OR2L13: variants seen among roughly 807,000 people sequenced by gnomAD.
OR2L13 encodes the protein olfactory receptor family 2 subfamily L member 13, also known as olfactory receptor 2L13.
Under a neutral mutation model 15.3 loss-of-function variants are expected in OR2L13, and 14 were observed. The ratio of observed to expected loss-of-function variants is 0.91; its 90% confidence interval spans 0.60 to 1.43. The LOEUF is 1.43. OR2L13 is among the 40% of genes most tolerant of loss of function. The pLI is 0.00. For synonymous variants in OR2L13, 152 were observed against 142.9 expected, an observed-to-expected ratio of 1.06 and a Z score of -0.45; for missense variants, 367 against 387.9, an observed-to-expected ratio of 0.95 and a Z score of 0.45.
the OR2L13 span, among the ~76,000 whole-genome samples, chr1:248,033,188 C>T: frequency 6.6e-6 from 1 of 152,140 alleles, no homozygotes; most frequent in East Asian, 1.9e-4. Context: ...CATTTTGCCA[C>T]TGACTATACT....
chr1:247,974,292 A>T, the OR2L13 span, among the ~76,000 whole-genome samples: 1 of 152,144 alleles, frequency 6.6e-6, no homozygotes, highest in Non-Finnish European at 1.5e-5. Context: ...GAGGAGGGAT[A>T]GCATTAGGAC....
At chr1:248,077,055 C>T in the OR2L13 span, among the ~76,000 whole-genome samples, 587 of 151,810 alleles carry the variant, frequency 3.9e-3, 6 homozygotes, top group African/African-American at 0.014. Flanking sequence ...GCATGAAGCA[C>T]TGTTGAATTT....
At chr1:248,025,220 A>G in the OR2L13 span, among the ~76,000 whole-genome samples, 2 of 148,164 alleles carry the variant, frequency 1.3e-5, no homozygotes, top group Non-Finnish European at 1.5e-5. Context: ...GCTAATATCC[A>G]GAATCTACAA....
At chr1:247,949,536 A>T in the OR2L13 span, 1 of 1,614,070 alleles carries the variant, frequency 6.2e-7, no homozygotes, top group Non-Finnish European at 8.5e-7. Context: ...TGTCTACCAC[A>T]TGAAATCTGC....
chr1:248,082,089 AC>A, the OR2L13 span, among the ~76,000 whole-genome samples: 6 of 149,504 alleles, frequency 4.0e-5, no homozygotes, highest in African/African-American at 7.6e-5. Flanking sequence ...CTTGAAACCA[AC>A]CCAAATGTCC....
the OR2L13 span, among the ~76,000 whole-genome samples, chr1:248,089,746 A>T: frequency 2.4e-4 from 37 of 152,294 alleles, no homozygotes; most frequent in African/African-American, 8.2e-4. Flanking sequence ...TAGACCTCAG[A>T]TAAGGAGGAA....
At chr1:247,997,621 A>G in the OR2L13 span, among the ~76,000 whole-genome samples, 1 of 152,174 alleles carries the variant, frequency 6.6e-6, no homozygotes, top group Non-Finnish European at 1.5e-5. Context: ...CTGAATAACA[A>G]CATTCAAGCT....
the OR2L13 span, among the ~76,000 whole-genome samples, chr1:247,954,234 A>T: frequency 1.5e-3 from 222 of 152,076 alleles, no homozygotes; most frequent in Non-Finnish European, 1.0e-3. Context: ...CCACTACTAA[A>T]TTTTTTTTAC....
chr1:248,030,925 A>T, the OR2L13 span, among the ~76,000 whole-genome samples: 1 of 152,164 alleles, frequency 6.6e-6, no homozygotes, highest in Admixed American at 6.6e-5. Context: ...TTGTGATGAA[A>T]ATATCCTCAG....
the OR2L13 span, chr1:247,939,330 C>A: frequency 1.3e-5 from 2 of 152,124 alleles, no homozygotes; most frequent in African/African-American, 4.8e-5. Flanking sequence ...CTTCTTCTGT[C>A]CAAATTCTGT....
the OR2L13 span, chr1:247,949,318 A>G: frequency 9.9e-6 from 16 of 1,614,182 alleles, no homozygotes; most frequent in Non-Finnish European, 1.3e-5. Flanking sequence ...GGCTCGATCA[A>G]TGCTTGTGCT....
At chr1:247,949,100 A>T in the OR2L13 span, 1 of 1,613,936 alleles carries the variant, frequency 6.2e-7, no homozygotes, top group East Asian at 2.2e-5. Context: ...CTAAGATGGC[A>T]TCTGATTTTC....
chr1:247,945,286 G>A, the OR2L13 span, among the ~76,000 whole-genome samples: 3 of 152,124 alleles, frequency 2.0e-5, no homozygotes, highest in Non-Finnish European at 4.4e-5. Flanking sequence ...CTCAGGAGCA[G>A]GTTGTTCAAT....
the OR2L13 span, among the ~76,000 whole-genome samples, chr1:247,951,953 A>G: frequency 1.3e-5 from 2 of 151,998 alleles, no homozygotes; most frequent in African/African-American, 4.8e-5. Flanking sequence ...GCTGTGAAGT[A>G]TTACAAGATG....
chr1:247,961,106 G>T, the OR2L13 span, among the ~76,000 whole-genome samples: 1 of 152,214 alleles, frequency 6.6e-6, no homozygotes, highest in South Asian at 2.1e-4. Flanking sequence ...TATTTTCATT[G>T]AGATATAAAA....
chr1:248,020,151 T>G, the OR2L13 span, among the ~76,000 whole-genome samples: 2 of 152,200 alleles, frequency 1.3e-5, no homozygotes, highest in East Asian at 1.9e-4. Flanking sequence ...TTACCATAGC[T>G]TTTGGAACTG....
the OR2L13 span, chr1:247,965,744 A>G: frequency 2.7e-5 from 43 of 1,568,642 alleles, no homozygotes; most frequent in Non-Finnish European, 3.6e-5. Flanking sequence ...TATGATCGCT[A>G]TGTAGCTATC....
the OR2L13 span, among the ~76,000 whole-genome samples, chr1:248,011,881 C>A: frequency 6.6e-6 from 1 of 152,096 alleles, no homozygotes; most frequent in African/African-American, 2.4e-5. Context: ...CCACTGTGTC[C>A]TGCTCTTTTA....
At chr1:248,056,385 G>A in the OR2L13 span, among the ~76,000 whole-genome samples, 1 of 151,728 alleles carries the variant, frequency 6.6e-6, no homozygotes, top group Admixed American at 6.6e-5. Context: ...TATTTCTTGT[G>A]TTCTGCTAGT....
Sources: gnomAD v4.1 joint callset for allele counts (sites outside exome capture counted in the v4.1 genomes callset) on GRCh38, gnomAD v4.1.1 for gene constraint, MANE v1.5 for transcripts, NCBI Gene and HGNC (gene_info 2026-07-23, HGNC 2026-07-21) for gene names.